Variants in COMMD1 observed in about 807,000 individuals in gnomAD.
COMMD1 encodes COMM domain-containing protein 1.
COMMD1 carries 10 observed loss-of-function variants against 17.2 expected under a neutral mutation model. The ratio of observed to expected loss-of-function variants is 0.58; its 90% CI spans 0.36 to 0.99. The LOEUF is 0.99. Among genes scored for constraint, COMMD1 ranks in the 50% least tolerant of loss-of-function variants. The pLI is 0.01. For missense variants in COMMD1, 270 were observed against 231.8 expected (o/e 1.17, Z -1.07); for synonymous variants, 97 against 91.6 (o/e 1.06, Z -0.34).
intron 1 of COMMD1, among the ~76,000 whole-genome samples, chr2:61,923,168 T>A (rs545017453): frequency 1.1e-4 from 16 of 152,300 alleles, no homozygotes; most frequent in South Asian, 4.1e-4. Context: ...TTATGGGATA[T>A]CTATCAAGAT....
At chr2:62,033,303 A>G (rs955213126) in intron 2 of COMMD1, among the ~76,000 whole-genome samples, 21 of 152,244 alleles carry the variant, frequency 1.4e-4, no homozygotes, top group African/African-American at 5.1e-4. Flanking sequence ...TAGTTTTAAG[A>G]TGACTTCTGC....
rs750687992 is a variant in COMMD1, at chr2:61,905,816, G to A, written c.138G>A (p.Glu46=). 6.2e-7 allele frequency: 1 copy of A among 1,614,246 alleles called. No homozygotes were observed. Among genetic ancestry groups the A allele is most frequent in the Non-Finnish European group, 8.5e-7 (1 of 1,180,048 alleles). ...RSQLYPEVPP[E]EFRPFLAKMR... ...AGCTATATCCAGAGGTGCCACCCGA[G>A]GAGTTCCGCCCCTTTCTGGCAAAGA... The change falls in exon 1 of 3, where the codon GAG becomes GAA. Residue 46 remains glutamate (E), a synonymous_variant. Coordinates refer to ENST00000311832, the MANE Select transcript of COMMD1 (RefSeq NM_152516.4).
intron 2 of COMMD1, among the ~76,000 whole-genome samples, chr2:62,074,276 T>C (rs1369841768): frequency 6.6e-6 from 1 of 152,226 alleles, no homozygotes; most frequent in Non-Finnish European, 1.5e-5. Flanking sequence ...TTGAACTCAG[T>C]CTTCAGCTCT....
chr2:62,036,230 G>A (rs1271492643), intron 2 of COMMD1, among the ~76,000 whole-genome samples: 4 of 152,136 alleles, frequency 2.6e-5, no homozygotes, highest in East Asian at 1.9e-4. Context: ...GGTAAAATGA[G>A]TATCTTTCAC....
chr2:61,962,622 G>A (rs2103698564), intron 1 of COMMD1, among the ~76,000 whole-genome samples: 1 of 152,306 alleles, frequency 6.6e-6, no homozygotes, highest in African/African-American at 2.4e-5. Context: ...TGCAGCCCCA[G>A]TAAGATCTCT....
At chr2:62,039,533 T>A (rs554872262) in intron 2 of COMMD1, among the ~76,000 whole-genome samples, 2 of 152,326 alleles carry the variant, frequency 1.3e-5, no homozygotes, top group African/African-American at 4.8e-5. Context: ...CTCTTAAATA[T>A]CAGGGGGAGT....
intron 1 of COMMD1, among the ~76,000 whole-genome samples, chr2:61,998,211 C>T (rs1668818779): frequency 6.6e-6 from 1 of 151,302 alleles, no homozygotes; most frequent in Non-Finnish European, 1.5e-5. Flanking sequence ...ACCACCAAAA[C>T]CTTCTCCATA....
At position 62,135,938 on chromosome 2, in the gene COMMD1, C is replaced by G. The variant is rs986391193; in HGVS notation, c.570C>G (p.Asn190Lys). Residue 190 changes from asparagine (N) to lysine (K), a missense_variant, in exon 3 of 3, where the codon AAC becomes AAG. By Grantham distance (94) the Asn-to-Lys change is moderately conservative. Coordinates refer to ENST00000311832, the MANE Select transcript of COMMD1 (RefSeq NM_152516.4). ...TCAGCACACTGATCAGCCAGCCTAA[C>G]TGAAGATGATGTATGAAGGAGTTGG... ...ESISTLISQP[N>K] The G allele has an allele frequency of 6.6e-7, 1 of 1,523,714 alleles. No homozygotes were observed. The highest frequency in any genetic ancestry group is 1.4e-5 in the African/African-American group (1 of 73,116). 94.4% of individuals were successfully genotyped at this position (1,523,714 alleles called of 1,614,324 possible). A position where few individuals can be genotyped will look rare whatever the true frequency, so the allele number is the denominator to read the frequency against.
chr2:61,895,074 C>G (rs369556192), intron 1 of COMMD1, among the ~76,000 whole-genome samples: 12 of 152,044 alleles, frequency 7.9e-5, no homozygotes, highest in African/African-American at 2.9e-4. Context: ...GGACAAATGA[C>G]CTATAAATAA....
At chr2:61,961,966 G>T (rs1671353535) in intron 1 of COMMD1, among the ~76,000 whole-genome samples, 1 of 152,046 alleles carries the variant, frequency 6.6e-6, no homozygotes, top group African/African-American at 2.4e-5. Context: ...TCCCTGAATT[G>T]TTTGTTCCTG....
At chr2:62,013,958 C>T (rs1220273518) in intron 2 of COMMD1, among the ~76,000 whole-genome samples, 1 of 152,184 alleles carries the variant, frequency 6.6e-6, no homozygotes, top group African/African-American at 2.4e-5. Flanking sequence ...TCTCAACTTA[C>T]AGAGAGATGC....
chr2:61,959,738 G>A (rs1671289716), intron 1 of COMMD1, among the ~76,000 whole-genome samples: 1 of 152,134 alleles, frequency 6.6e-6, no homozygotes, highest in Non-Finnish European at 1.5e-5. Flanking sequence ...TGCAAAAAAA[G>A]AATTAACGCC....
chr2:61,977,726 C>G lies in COMMD1; in HGVS notation c.181-22975C>G, dbSNP rs532948417. Among the ~76,000 whole-genome samples, 15 of 152,036 alleles carry G rather than the reference C, an allele frequency of 9.9e-5. No homozygotes were observed. In the South Asian group the frequency reaches 2.7e-3, roughly 27 times the overall value. ...ATTGGGCCCAGTGTGGTGGCTCATG[C>G]CTGTAATCCCAGCACTTTGGGAGGC... On this transcript the variant is annotated intron_variant, in intron 1 of 2. Coordinates refer to ENST00000311832, the MANE Select transcript of COMMD1 (RefSeq NM_152516.4).
At chr2:62,024,255 A>G (rs1464413060) in intron 2 of COMMD1, among the ~76,000 whole-genome samples, 1 of 151,880 alleles carries the variant, frequency 6.6e-6, no homozygotes, top group Non-Finnish European at 1.5e-5. Flanking sequence ...CTCCCTCTGT[A>G]ACTCATGCTG....
chr2:62,025,117 G>A (rs2103863386), intron 2 of COMMD1, among the ~76,000 whole-genome samples: 1 of 152,230 alleles, frequency 6.6e-6, no homozygotes, highest in African/African-American at 2.4e-5. Flanking sequence ...CTACTTGGGT[G>A]GCTGAGGCAA....
intron 1 of COMMD1, among the ~76,000 whole-genome samples, chr2:61,908,944 G>A (rs1342494836): frequency 6.6e-6 from 1 of 152,006 alleles, no homozygotes; most frequent in Non-Finnish European, 1.5e-5. Flanking sequence ...TATTTTTTGA[G>A]ACGGAGTATC....
upstream of COMMD1, among the ~76,000 whole-genome samples, chr2:61,904,416 T>C (rs989578041): frequency 6.6e-6 from 1 of 152,094 alleles, no homozygotes; most frequent in Non-Finnish European, 1.5e-5. Flanking sequence ...TTACCAACTG[T>C]TGTTCACATT....
chr2:62,083,244 C>T (rs1671574988), intron 2 of COMMD1, among the ~76,000 whole-genome samples: 1 of 150,820 alleles, frequency 6.6e-6, no homozygotes, highest in African/African-American at 2.5e-5. Flanking sequence ...GCCTGGGTGA[C>T]AGAATAAGAC....
intron 1 of COMMD1, among the ~76,000 whole-genome samples, chr2:61,944,678 C>G (rs1294215440): frequency 6.6e-6 from 1 of 152,150 alleles, no homozygotes; most frequent in Non-Finnish European, 1.5e-5. Context: ...AAGTCAGAGT[C>G]AGGTAGTGCA....
Sources: allele counts gnomAD v4.1 joint callset (sites outside exome capture counted in the v4.1 genomes callset), GRCh38; gene constraint gnomAD v4.1.1; transcripts MANE v1.5; gene names NCBI Gene and HGNC (gene_info 2026-07-23, HGNC 2026-07-21).